The following FBXL4 variants were observed in gnomAD, a reference collection of about 807,000 sequenced individuals.
FBXL4 encodes F-box and leucine rich repeat protein 4.
FBXL4 carries 40 observed loss-of-function variants against 58.9 expected under a neutral mutation model. That is an observed-to-expected ratio of 0.68 (90% CI 0.53 to 0.88). The LOEUF (loss-of-function observed/expected upper bound fraction) is 0.88. Ranked by LOEUF, FBXL4 falls within the 40% of genes least tolerant of loss-of-function variation. FBXL4 has a pLI of 0.00. For missense variants in FBXL4, 676 were observed against 734.4 expected (o/e 0.92, Z 0.92); for synonymous variants, 263 against 265.5 (o/e 0.99, Z 0.09).
At chr6:98,905,395 G>T (rs758028668) in intron 6 of FBXL4, 31 bp downstream of exon 6, 1 of 1,599,948 alleles carries the variant, frequency 6.3e-7, no homozygotes, top group South Asian at 1.1e-5. Flanking sequence ...TGCTGGGGGG[G>T]AAAAAAACTT....
intron 1 of FBXL4, among the ~76,000 whole-genome samples, chr6:98,945,996 G>C (rs1773606458): frequency 6.6e-6 from 1 of 152,176 alleles, no homozygotes; most frequent in South Asian, 2.1e-4. Flanking sequence ...AAATTTTAAA[G>C]GGGGGAGGGA....
intron 1 of FBXL4, among the ~76,000 whole-genome samples, chr6:98,946,716 CAA>C (rs746339079): frequency 2.0e-5 from 3 of 152,144 alleles, no homozygotes; most frequent in Non-Finnish European, 2.9e-5. Flanking sequence ...AAGTTTAAAA[CAA>C]AGTTAGTACT....
intron 7 of FBXL4, chr6:98,897,273 G>A (rs1771441636): frequency 2.0e-6 from 2 of 985,162 alleles, no homozygotes; most frequent in Non-Finnish European, 2.4e-6. Flanking sequence ...AGAATGAACA[G>A]TCCTACCCAA....
In FBXL4 at chr6:98,926,891, T is replaced by C. The variant is rs770203157; in HGVS notation, c.98A>G (p.Asn33Ser). The change falls in exon 4 of 10, where the codon AAC (asparagine) becomes AGC (serine). Residue 33 changes from asparagine (N) to serine (S), a missense_variant. Asn to Ser is a conservative substitution (Grantham distance 46). Transcript: ENST00000369244. ...ARTATRGEMMNTHRAIESNSQ... is the reference protein window; with the variant it reads ...ARTATRGEMMSTHRAIESNSQ... Reference sequence around the variant, plus strand: ...GTTTGATTCTATAGCTCTATGGGTGTTCATCATTTCTCCTCTTGTAGCTGT... The same window carrying C: ...GTTTGATTCTATAGCTCTATGGGTGCTCATCATTTCTCCTCTTGTAGCTGT... 6.2e-7 allele frequency: 1 copy of C among 1,614,180 alleles called. No homozygotes were observed.
chr6:98,914,344 C>T (rs1393028074), intron 5 of FBXL4, among the ~76,000 whole-genome samples: 1 of 152,148 alleles, frequency 6.6e-6, no homozygotes, highest in African/African-American at 2.4e-5. Flanking sequence ...GATACCAAAG[C>T]TGGGCAGAGA....
At chr6:98,910,804 C>T (rs1246429423) in intron 5 of FBXL4, among the ~76,000 whole-genome samples, 4 of 152,128 alleles carry the variant, frequency 2.6e-5, no homozygotes, top group South Asian at 2.1e-4. Flanking sequence ...TTCATCTCAC[C>T]AGGGAGTGCC....
intron 7 of FBXL4, among the ~76,000 whole-genome samples, chr6:98,890,786 G>A (rs1195076641): frequency 6.6e-6 from 1 of 152,068 alleles, no homozygotes; most frequent in African/African-American, 2.4e-5. Flanking sequence ...GGGCATGGTG[G>A]CACACGCCTG....
intron 5 of FBXL4, among the ~76,000 whole-genome samples, chr6:98,906,291 C>T (rs1771807504): frequency 6.6e-6 from 1 of 152,170 alleles, no homozygotes; most frequent in South Asian, 2.1e-4. Context: ...CCGTCACCTA[C>T]ATTAGGTATT....
intron 7 of FBXL4, chr6:98,897,097 A>C (rs1771436535): frequency 1.0e-6 from 1 of 982,822 alleles, no homozygotes; most frequent in Non-Finnish European, 1.2e-6. Flanking sequence ...TCAAAGGCTC[A>C]TTTAATAACT....
At chr6:98,893,528 A>C (rs1771303620) in intron 7 of FBXL4, among the ~76,000 whole-genome samples, 1 of 152,188 alleles carries the variant, frequency 6.6e-6, no homozygotes, top group Admixed American at 6.5e-5. Flanking sequence ...TACCTCTTTA[A>C]AAACCCTGTC....
chr6:98,912,456 C>G (rs900337524), intron 5 of FBXL4, among the ~76,000 whole-genome samples: 5 of 152,134 alleles, frequency 3.3e-5, no homozygotes, highest in African/African-American at 4.8e-5. Flanking sequence ...AAGGGAAGCC[C>G]ATCAGACTAA....
chr6:98,916,238 C>G (rs1412354452), intron 5 of FBXL4, among the ~76,000 whole-genome samples: 1 of 152,006 alleles, frequency 6.6e-6, no homozygotes, highest in African/African-American at 2.4e-5. Context: ...ACTAGTTCAA[C>G]CATTGTGGAA....
intron 7 of FBXL4, among the ~76,000 whole-genome samples, chr6:98,892,086 G>A (rs1453847497): frequency 6.6e-6 from 1 of 152,054 alleles, no homozygotes; most frequent in Non-Finnish European, 1.5e-5. Context: ...CAGAAATATA[G>A]CCTAGAGACA....
Position 98,917,463 on chromosome 6 carries a change from A to G in FBXL4, c.769T>C (p.Cys257Arg). The change falls in exon 5 of 10, where the codon TGT becomes CGT. Residue 257 changes from cysteine (C) to arginine (R), a missense_variant. Transcript: ENST00000369244. ...TTTTTGTTAAGACTGTCCATTCCACAACCATCCTTTTCTGCATAGGCATCA... is the reference window on the plus strand; with the variant it reads ...TTTTTGTTAAGACTGTCCATTCCACGACCATCCTTTTCTGCATAGGCATCA... ...EDDAYAEKDGCGMDSLNKKFS... is the reference protein window; with the variant it reads ...EDDAYAEKDGRGMDSLNKKFS... The G allele has an allele frequency of 1.2e-6, 2 of 1,614,072 alleles. No individual in the cohort carries two copies. The highest frequency in any genetic ancestry group is 1.7e-6 in the Non-Finnish European group (2 of 1,179,960).
chr6:98,898,922 G>A lies in FBXL4; in HGVS notation c.1317+346C>T, dbSNP rs1232727283. 4.1e-6 allele frequency: 4 copies of A among 985,204 alleles called. No homozygotes were observed. The African/African-American group carries it at 5.2e-5, about 13-fold the overall frequency. The allele number at this position is 985,204 out of a possible 1,614,324, so 61.0% of individuals were successfully genotyped here. A position where few individuals can be genotyped will look rare whatever the true frequency, so the allele number is the denominator to read the frequency against. The stretch of plus-strand genomic sequence containing the variant: ...AAATATCACTTTGCTTCCTCCCACT[G>A]CAAGCAAATGTCCTCTTACATATTA... On this transcript the variant is annotated intron_variant, in intron 7 of 9. Coordinates refer to ENST00000369244, the MANE Select transcript of FBXL4 (RefSeq NM_001278716.2).
chr6:98,933,237 C>T (rs1048464948), intron 2 of FBXL4, among the ~76,000 whole-genome samples: 1 of 152,260 alleles, frequency 6.6e-6, no homozygotes, highest in African/African-American at 2.4e-5. Context: ...TGCTCTTATG[C>T]CCCCTCTTGC....
chr6:98,888,678 G>A (rs1229140801), intron 7 of FBXL4, among the ~76,000 whole-genome samples: 1 of 152,202 alleles, frequency 6.6e-6, no homozygotes, highest in East Asian at 1.9e-4. Flanking sequence ...AGCTTTAATA[G>A]TGCAAGGCAG....
chr6:98,906,092 T>A (rs1771798586), intron 5 of FBXL4, among the ~76,000 whole-genome samples: 1 of 150,310 alleles, frequency 6.7e-6, no homozygotes, highest in Non-Finnish European at 1.5e-5. Context: ...GACAAAAAGA[T>A]ACACAGAATG....
intron 7 of FBXL4, among the ~76,000 whole-genome samples, chr6:98,895,779 A>C (rs1227716307): frequency 2.0e-5 from 3 of 152,178 alleles, no homozygotes; most frequent in African/African-American, 7.2e-5. Flanking sequence ...CAAAATCCTC[A>C]AAAGCTTTAT....
Sources: gnomAD v4.1 joint callset for allele counts (sites outside exome capture counted in the v4.1 genomes callset) on GRCh38, gnomAD v4.1.1 for gene constraint, MANE v1.5 for transcripts, NCBI Gene and HGNC (gene_info 2026-07-23, HGNC 2026-07-21) for gene names.